Variants in DGKH observed in about 807,000 individuals in gnomAD.
DGKH encodes the protein DAG kinase eta.
In DGKH, 90 loss-of-function variants were observed where a neutral mutation model predicts 159.3. That is an observed-to-expected ratio of 0.57 (90% CI 0.48 to 0.67). DGKH has a LOEUF of 0.67. Ranked by LOEUF, DGKH falls within the 30% of genes least tolerant of loss-of-function variation. The pLI is 0.00. For synonymous variants in DGKH, 536 were observed against 553.8 expected, an observed-to-expected ratio of 0.97 and a Z score of 0.45; for missense variants, 1,181 against 1,506.1, an observed-to-expected ratio of 0.78 and a Z score of 3.57.
At chr13:42,140,665 T>C (rs889307461) in intron 3 of DGKH, 1 of 152,180 alleles carries the variant, frequency 6.6e-6, no homozygotes, top group Non-Finnish European at 1.5e-5. Flanking sequence ...TATACTGATG[T>C]ACTTTTTGAA....
chr13:42,042,305 A>G (rs933492393), intron 1 of DGKH, among the ~76,000 whole-genome samples: 11 of 152,252 alleles, frequency 7.2e-5, no homozygotes, highest in Non-Finnish European at 1.6e-4. Context: ...AACACCAATC[A>G]CAATGGAAAT....
intron 16 of DGKH, among the ~76,000 whole-genome samples, chr13:42,191,638 A>T (rs1275249086): frequency 6.6e-6 from 1 of 152,032 alleles, no homozygotes; most frequent in African/African-American, 2.4e-5. Flanking sequence ...TTTATGGCCG[A>T]TTTTTCCACA....
chr13:42,071,015 C>G, intron 1 of DGKH: 1 of 1,290,518 alleles, frequency 7.7e-7, no homozygotes, highest in Non-Finnish European at 1.1e-6. Flanking sequence ...CCTCCACAAC[C>G]CAGTGGTTTT....
At chr13:42,095,044 G>T (rs1170194) in intron 1 of DGKH, among the ~76,000 whole-genome samples, 2 of 151,846 alleles carry the variant, frequency 1.3e-5, no homozygotes, top group Non-Finnish European at 2.9e-5. Context: ...TGGAAGGAGC[G>T]GTGGGTCCTC....
At chr13:42,084,625 G>A (rs1038063856) in intron 1 of DGKH, among the ~76,000 whole-genome samples, 1 of 151,770 alleles carries the variant, frequency 6.6e-6, no homozygotes, top group African/African-American at 2.4e-5. Context: ...TGATGGCTAT[G>A]TTTTATTTAA....
chr13:42,206,986 T>TCTTTCTTC (rs2138184435), intron 21 of DGKH, among the ~76,000 whole-genome samples: 1 of 128,608 alleles, frequency 7.8e-6, no homozygotes, highest in South Asian at 2.6e-4. Flanking sequence ...TTTCTTTCTT[T>TCTTTCTTC]CTTTCTTTCT....
chr13:42,191,937 A>C (rs1050486100), intron 16 of DGKH, among the ~76,000 whole-genome samples: 1 of 152,150 alleles, frequency 6.6e-6, no homozygotes, highest in African/African-American at 2.4e-5. Context: ...AACTTGGGCA[A>C]ATTTCTTAAC....
intron 11 of DGKH, among the ~76,000 whole-genome samples, chr13:42,170,173 T>A (rs1383520068): frequency 6.6e-6 from 1 of 152,248 alleles, no homozygotes; most frequent in Admixed American, 6.5e-5. Context: ...GCTGTCTTTG[T>A]TGCAAATGTA....
chr13:42,198,849 G>C (rs77802530), intron 18 of DGKH, among the ~76,000 whole-genome samples: 1 of 152,032 alleles, frequency 6.6e-6, no homozygotes, highest in Admixed American at 6.6e-5. Flanking sequence ...GCAAAGGAAG[G>C]CACCAATAAA....
At chr13:42,164,260 G>A (rs1156361829) in intron 7 of DGKH, among the ~76,000 whole-genome samples, 1 of 152,140 alleles carries the variant, frequency 6.6e-6, no homozygotes, top group Admixed American at 6.5e-5. Flanking sequence ...GATATAATTT[G>A]ATCATCTGCT....
At chr13:42,178,345 A>G (rs760268014) in intron 13 of DGKH, 125 bp downstream of exon 13, 72 of 659,416 alleles carry the variant, frequency 1.1e-4, no homozygotes, top group Non-Finnish European at 1.7e-4. Flanking sequence ...TTATAAAATT[A>G]GATGTACTAA....
intron 1 of DGKH, among the ~76,000 whole-genome samples, chr13:42,120,623 G>A (rs1474299949): frequency 6.6e-6 from 1 of 152,014 alleles, no homozygotes; most frequent in Non-Finnish European, 1.5e-5. Context: ...ATTATTATTT[G>A]TTACCCATAA....
chr13:42,180,796 A>G (rs535178333), intron 13 of DGKH, among the ~76,000 whole-genome samples: 8 of 152,338 alleles, frequency 5.3e-5, no homozygotes, highest in African/African-American at 1.9e-4. Context: ...GAGACAATAT[A>G]TAATTATTTG....
At chr13:42,128,274 G>A (rs1298171493) in intron 2 of DGKH, among the ~76,000 whole-genome samples, 1 of 152,088 alleles carries the variant, frequency 6.6e-6, no homozygotes, top group Non-Finnish European at 1.5e-5. Flanking sequence ...AAGATTTCTG[G>A]CTACTGTGCC....
At chr13:42,124,981 T>C (rs1475571503) in intron 1 of DGKH, among the ~76,000 whole-genome samples, 1 of 152,102 alleles carries the variant, frequency 6.6e-6, no homozygotes, top group Non-Finnish European at 1.5e-5. Context: ...CCGACAGCTA[T>C]AATTGGTTTA....
chr13:42,212,710 CTCT>C (rs1377064983), intron 24 of DGKH, among the ~76,000 whole-genome samples: 1 of 152,094 alleles, frequency 6.6e-6, no homozygotes, highest in East Asian at 1.9e-4. Context: ...ATTTTTGAAC[CTCT>C]TCTTAGGCTG....
intron 21 of DGKH, among the ~76,000 whole-genome samples, chr13:42,207,915 G>T (rs995911654): frequency 6.6e-6 from 1 of 151,842 alleles, no homozygotes; most frequent in African/African-American, 2.4e-5. Flanking sequence ...AGTCCTATTC[G>T]AGTATAAAAG....
chr13:42,227,554 ATCGGTATATTCCTCT>A (rs1469532461), intron 29 of DGKH, among the ~76,000 whole-genome samples: 5 of 152,232 alleles, frequency 3.3e-5, no homozygotes, highest in Non-Finnish European at 7.3e-5. Context: ...GGTAGCAAGC[ATCGGTATATTCCTCT>A]AGGATTTGGC....
intron 11 of DGKH, among the ~76,000 whole-genome samples, chr13:42,171,513 A>T (rs1296941183): frequency 6.6e-6 from 1 of 152,172 alleles, no homozygotes; most frequent in African/African-American, 2.4e-5. Flanking sequence ...GAGGTATAGC[A>T]TGGAGGGTGC....
Sources: gnomAD v4.1 joint callset for allele counts (sites outside exome capture counted in the v4.1 genomes callset) on GRCh38, gnomAD v4.1.1 for gene constraint, MANE v1.5 for transcripts, NCBI Gene and HGNC (gene_info 2026-07-23, HGNC 2026-07-21) for gene names.